PPIC: variants seen among roughly 807,000 people sequenced by gnomAD.
PPIC encodes the protein peptidyl-prolyl cis-trans isomerase C.
Under a neutral mutation model 19.5 loss-of-function variants are expected in PPIC, and 19 were observed. The ratio of observed to expected loss-of-function variants is 0.98; its 90% CI spans 0.68 to 1.43. The LOEUF (loss-of-function observed/expected upper bound fraction) is 1.43, where lower values mean the gene tolerates loss of function less well. Among genes scored for constraint, PPIC ranks in the 40% most tolerant of loss-of-function variants. The pLI is 0.00. For synonymous variants in PPIC, 107 were observed against 101.2 expected (o/e 1.06, Z -0.34); for missense variants, 268 against 268.6 (o/e 1.00, Z 0.02).
intron 3 of PPIC, among the ~76,000 whole-genome samples, chr5:123,027,391 GAAA>G (rs963606488): frequency 6.6e-6 from 1 of 151,876 alleles, no homozygotes; most frequent in Non-Finnish European, 1.5e-5. Context: ...AAGGTAGTGA[GAAA>G]AAAAAGGTAG....
intron 1 of PPIC, among the ~76,000 whole-genome samples, chr5:123,034,244 G>A (rs774019361): frequency 1.1e-4 from 16 of 152,150 alleles, no homozygotes; most frequent in Non-Finnish European, 2.2e-4. Flanking sequence ...TCATGAAAAA[G>A]TAATTTAACA....
Position 123,036,709 on chromosome 5 carries a change from C to G in PPIC, c.-84G>C. 2 of 1,171,076 alleles carry G rather than the reference C, an allele frequency of 1.7e-6. No individual in the cohort carries two copies. Among genetic ancestry groups the G allele is most frequent in the Non-Finnish European group, 2.4e-6 (2 of 837,064 alleles). The allele number at this position is 1,171,076 out of a possible 1,614,324, so 72.5% of individuals were successfully genotyped here. The stretch of plus-strand genomic sequence containing the variant: ...GCTCTGGGACAGCTGACGGGACTGC[C>G]GGCCGGCTGCGCCTGCGCGCTCCCG... On this transcript the variant is annotated 5_prime_UTR_variant, in exon 1 of 5. Transcript: ENST00000306442. The surrounding 1 kb of genome is among the most constrained non-coding windows in gnomAD (Gnocchi z 4.5).
At chr5:123,034,922 G>T (rs1762985233) in intron 1 of PPIC, among the ~76,000 whole-genome samples, 1 of 152,094 alleles carries the variant, frequency 6.6e-6, no homozygotes, top group South Asian at 2.1e-4. Flanking sequence ...TAAATTTCTC[G>T]AGTATATATT....
chr5:123,025,980 CAAGG>C lies in PPIC; in HGVS notation c.326-16_326-13del. 6.3e-7 allele frequency: 1 copy of C among 1,578,214 alleles called. No homozygotes were observed. The highest frequency in any genetic ancestry group is 1.2e-5 in the South Asian group (1 of 85,402). On this transcript the variant is annotated splice_polypyrimidine_tract_variant and intron_variant, in intron 3 of 4. Transcript: ENST00000306442. Reference sequence around the variant, plus strand: ...ATAGATGCTCACACCTGAGACAAAACAAGGAAGAAAGTCAACAGATGTCTTCCAA... The same window carrying C: ...ATAGATGCTCACACCTGAGACAAAACAAGAAAGTCAACAGATGTCTTCCAA...
rs1448789677 is a variant in PPIC at position 123,036,116 on chromosome 5, C to A, written c.117+393G>T. Among the ~76,000 whole-genome samples the A allele has an allele frequency of 6.6e-6, 1 of 152,114 alleles. No homozygotes were observed. Among genetic ancestry groups the A allele is most frequent in the African/African-American group, 2.4e-5 (1 of 41,436 alleles). ...CCTCTCCTGTGCGGGTCCCGCCCCC[C>A]TCCCCGCATTCCTCTCGTTCTGCTC... On this transcript the variant is annotated intron_variant, in intron 1 of 4. Transcript: ENST00000306442. The surrounding 1 kb of genome is among the most constrained non-coding windows in gnomAD (Gnocchi z 4.5).
Position 123,036,573 on chromosome 5 carries a change from C to T in PPIC, c.53G>A (p.Gly18Asp). 6.2e-7 allele frequency: 1 copy of T among 1,600,572 alleles called. No homozygotes were observed. Among genetic ancestry groups the T allele is most frequent in the Non-Finnish European group, 8.5e-7 (1 of 1,175,066 alleles). ...GGCCCCCGAAGAAAACACAAGTGCG[C>T]CGAGCCCCACGCAAAGCACGAGAGG... ...LLPLVLCVGL[G>D]ALVFSSGAEG... is the part of the protein sequence containing the mutation. Residue 18 changes from glycine to aspartate, a missense_variant, in exon 1 of 5, where the codon GGC (glycine) becomes GAC (aspartate). By Grantham distance (94) the Gly-to-Asp change is moderately conservative. Transcript: ENST00000306442. The surrounding 1 kb of genome is among the most constrained non-coding windows in gnomAD (Gnocchi z 4.5).
chr5:123,035,856 G>A (rs1763000872), intron 1 of PPIC, among the ~76,000 whole-genome samples: 1 of 151,788 alleles, frequency 6.6e-6, no homozygotes, highest in Non-Finnish European at 1.5e-5. Context: ...AGTGGAGGCT[G>A]CCCCAGGTCT....
intron 2 of PPIC, 67 bp downstream of exon 2, chr5:123,029,238 A>G (rs1432141200): frequency 6.2e-7 from 1 of 1,613,104 alleles, no homozygotes; most frequent in Non-Finnish European, 8.5e-7. Flanking sequence ...ATTTTCTCAG[A>G]TGACATCTTT....
In PPIC at chr5:123,023,836, A is replaced by ACC. The variant is rs1554081589; in HGVS notation, c.*37_*38dup. 37 of 1,602,732 alleles carry ACC rather than the reference A, an allele frequency of 2.3e-5. No individual in the cohort carries two copies. The highest frequency in any genetic ancestry group is 6.8e-5 in the African/African-American group (5 of 73,852). ...CACACACACACACACACACACACAC[A>ACC]CCCCTGCCAAAGCATATCCTTGTTT... On this transcript the variant is annotated 3_prime_UTR_variant, in exon 5 of 5. Transcript: ENST00000306442.
chr5:123,023,577 G>GA lies in PPIC; in HGVS notation c.*297dup, dbSNP rs942504488. ...CAATATGGGGATCATAATGAATTCA[G>GA]AAAAAAAATATTGCATTAAAAAAAT... On this transcript the variant is annotated 3_prime_UTR_variant, in exon 5 of 5. Coordinates refer to ENST00000306442, the MANE Select transcript of PPIC (RefSeq NM_000943.5). The GA allele has an allele frequency of 1.1e-4, 21 of 197,434 alleles. No homozygotes were observed. The highest frequency in any genetic ancestry group is 2.4e-4 in the South Asian group (2 of 8,220). 12.2% of individuals were successfully genotyped at this position (197,434 alleles called of 1,614,324 possible).
chr5:123,024,228 C>G (rs1388575868), intron 4 of PPIC, among the ~76,000 whole-genome samples: 1 of 152,184 alleles, frequency 6.6e-6, no homozygotes, highest in Non-Finnish European at 1.5e-5. Flanking sequence ...CCATGACCTT[C>G]TTACTCAGAG....
At chr5:123,025,324 C>T (rs1002371062) in intron 4 of PPIC, among the ~76,000 whole-genome samples, 3 of 152,122 alleles carry the variant, frequency 2.0e-5, no homozygotes, top group Admixed American at 6.5e-5. Flanking sequence ...ATCCCCAGCC[C>T]CTGGCAACTA....
chr5:123,026,709 A>C (rs1203856931), intron 3 of PPIC, among the ~76,000 whole-genome samples: 1 of 152,232 alleles, frequency 6.6e-6, no homozygotes, highest in Admixed American at 6.5e-5. Flanking sequence ...AACCTTGAAC[A>C]GGAGAACCAA....
In PPIC at chr5:123,036,325, C is replaced by T; in HGVS notation, c.117+184G>A. ...TCAGCCCAGCTCCCCCAGGGTCTCCCCCGGAGCGCCGGCCTCCCAGCACGC... is the reference window on the plus strand; with the variant it reads ...TCAGCCCAGCTCCCCCAGGGTCTCCTCCGGAGCGCCGGCCTCCCAGCACGC... On this transcript the variant is annotated intron_variant, in intron 1 of 4. Coordinates refer to ENST00000306442, the MANE Select transcript of PPIC (RefSeq NM_000943.5). The surrounding 1 kb of genome is among the most constrained non-coding windows in gnomAD (Gnocchi z 4.5). The T allele has an allele frequency of 1.6e-6, 1 of 608,230 alleles. No individual in the cohort carries two copies. The highest frequency in any genetic ancestry group is 2.9e-6 in the Non-Finnish European group (1 of 345,420). 37.7% of individuals were successfully genotyped at this position (608,230 alleles called of 1,614,324 possible).
chr5:123,032,557 A>G (rs1245084950), intron 1 of PPIC, among the ~76,000 whole-genome samples: 2 of 152,182 alleles, frequency 1.3e-5, no homozygotes, highest in Non-Finnish European at 2.9e-5. Flanking sequence ...GAGGTGAGAC[A>G]GCTGCCAGCA....
At position 123,023,322 on chromosome 5, in the gene PPIC, G is replaced by T. The variant is rs900963151; in HGVS notation, c.*553C>A. On this transcript the variant is annotated 3_prime_UTR_variant, in exon 5 of 5. Coordinates refer to ENST00000306442, the MANE Select transcript of PPIC (RefSeq NM_000943.5). ...ATCTGTTCACTGTTAATGCTAGAGTGTGTGTATTTTTGTATATTTCTTAAA... is the reference window on the plus strand; with the variant it reads ...ATCTGTTCACTGTTAATGCTAGAGTTTGTGTATTTTTGTATATTTCTTAAA... The T allele has an allele frequency of 6.6e-6, 1 of 152,216 alleles. No individual in the cohort carries two copies. Among genetic ancestry groups the T allele is most frequent in the Non-Finnish European group, 1.5e-5 (1 of 68,066 alleles). 9.4% of individuals were successfully genotyped at this position (152,216 alleles called of 1,614,324 possible). A position where few individuals can be genotyped will look rare whatever the true frequency, so the allele number is the denominator to read the frequency against.
intron 1 of PPIC, among the ~76,000 whole-genome samples, chr5:123,035,167 G>A (rs576688600): frequency 6.6e-6 from 1 of 152,232 alleles, no homozygotes; most frequent in South Asian, 2.1e-4. Context: ...CCTGTTTGAG[G>A]ACCTATGCAT....
intron 1 of PPIC, among the ~76,000 whole-genome samples, chr5:123,030,530 T>G (rs1762928054): frequency 6.6e-6 from 1 of 152,220 alleles, no homozygotes; most frequent in South Asian, 2.1e-4. Flanking sequence ...TCAGTTCAAG[T>G]CAAGAGCTTC....
chr5:123,024,527 C>A (rs1291753425), intron 4 of PPIC, among the ~76,000 whole-genome samples: 1 of 152,150 alleles, frequency 6.6e-6, no homozygotes, highest in Non-Finnish European at 1.5e-5. Flanking sequence ...CTAATGTAAC[C>A]CCAGCCCCCC....
Sources: gnomAD v4.1 joint callset for allele counts (sites outside exome capture counted in the v4.1 genomes callset) on GRCh38, gnomAD v4.1.1 for gene constraint, Gnocchi (gnomAD v3.1) non-coding constraint, MANE v1.5 for transcripts, NCBI Gene and HGNC (gene_info 2026-07-23, HGNC 2026-07-21) for gene names.